FRK: variants seen among roughly 807,000 people sequenced by gnomAD.
FRK encodes the protein tyrosine-protein kinase FRK.
Under a neutral mutation model 56.4 loss-of-function variants are expected in FRK, and 51 were observed. The ratio of observed to expected loss-of-function variants is 0.90; its 90% CI spans 0.72 to 1.14. The LOEUF (loss-of-function observed/expected upper bound fraction) is 1.14. FRK is among the 50% of genes most tolerant of loss of function. The pLI is 0.00. For missense variants in FRK, 570 were observed against 601.4 expected (o/e 0.95, Z 0.55); for synonymous variants, 245 against 217.9 (o/e 1.12, Z -1.10).
rs1463593885 is a variant in FRK at position 115,933,427 on chromosome 6, C to T, written c.*8987G>A. 2 of 152,120 alleles carry T rather than the reference C, an allele frequency of 1.3e-5. No homozygotes were observed. Among genetic ancestry groups the T allele is most frequent in the African/African-American group, 2.4e-5 (1 of 41,432 alleles). The allele number at this position is 152,120 out of a possible 1,614,324, so 9.4% of individuals were successfully genotyped here. Reference sequence around the variant, plus strand: ...GTTAAAAAAATCTATTACTGTTTCTCATAACTGAATCCATTATTTTTCTCC... The same window carrying T: ...GTTAAAAAAATCTATTACTGTTTCTTATAACTGAATCCATTATTTTTCTCC... On this transcript the variant is annotated 3_prime_UTR_variant, in exon 8 of 8. Coordinates refer to ENST00000606080, the MANE Select transcript of FRK (RefSeq NM_002031.3).
chr6:115,967,476 C>T (rs1773626458), intron 4 of FRK, 75 bp downstream of exon 4: 4 of 1,448,178 alleles, frequency 2.8e-6, no homozygotes, highest in Non-Finnish European at 3.8e-6. Flanking sequence ...ACCCTATGAC[C>T]TCTTAGATAT....
chr6:115,964,874 C>T (rs1406409825), intron 4 of FRK, among the ~76,000 whole-genome samples: 1 of 14,210 alleles, frequency 7.0e-5, no homozygotes, highest in Non-Finnish European at 1.9e-4. Flanking sequence ...GGATCCCTTC[C>T]TTACACCTTA....
intron 1 of FRK, among the ~76,000 whole-genome samples, chr6:116,021,861 A>G (rs1176456457): frequency 6.6e-6 from 1 of 152,070 alleles, no homozygotes; most frequent in African/African-American, 2.4e-5. Flanking sequence ...AGGAAAACCA[A>G]ACCATGGGAA....
intron 1 of FRK, among the ~76,000 whole-genome samples, chr6:116,030,641 G>C (rs766989365): frequency 1.3e-5 from 2 of 152,160 alleles, no homozygotes; most frequent in Non-Finnish European, 2.9e-5. Flanking sequence ...CTGGAGGGTA[G>C]TGCATTTGGG....
rs1772998566 is a variant in FRK at position 115,956,511 on chromosome 6, T to A, written c.899A>T (p.Asp300Val). ...CAACTCTGTAATAATATAAATTGGA[T>A]CTTCTAAAGTGCAAACAGCATAAAG... ...IQLYAVCTLE[D>V]PIYIITELMR... The change falls in exon 5 of 8, where the codon GAT becomes GTT. Residue 300 changes from aspartate (D) to valine (V), a missense_variant. Physicochemically the swap from Asp to Val is radical, Grantham distance 152. Transcript: ENST00000606080. 1 of 1,586,838 alleles carries A rather than the reference T, an allele frequency of 6.3e-7. No individual in the cohort carries two copies. The highest frequency in any genetic ancestry group is 8.6e-7 in the Non-Finnish European group (1 of 1,166,828).
chr6:116,086,578 G>A, the FRK span, among the ~76,000 whole-genome samples: 1 of 152,170 alleles, frequency 6.6e-6, no homozygotes, highest in African/African-American at 2.4e-5. Context: ...ACTAGTATTT[G>A]ACAGAACGAA....
At chr6:116,039,025 G>C in intron 1 of FRK, 1 of 744,832 alleles carries the variant, frequency 1.3e-6, no homozygotes, top group Non-Finnish European at 2.5e-6. Flanking sequence ...GCCAATCGAG[G>C]GTCCTGGGGC....
intron 2 of FRK, among the ~76,000 whole-genome samples, chr6:115,999,750 A>G (rs1364150931): frequency 6.6e-6 from 1 of 152,222 alleles, no homozygotes; most frequent in Non-Finnish European, 1.5e-5. Flanking sequence ...CTTAGCAGTA[A>G]TCAACAGTCA....
At chr6:116,091,854 G>A in the FRK span, among the ~76,000 whole-genome samples, 1 of 152,154 alleles carries the variant, frequency 6.6e-6, no homozygotes, top group Non-Finnish European at 1.5e-5. Context: ...GGTCGACGGA[G>A]AGGAAAGCCA....
At chr6:116,004,101 A>C in intron 1 of FRK, 103 bp from the exon 2 acceptor site, 1 of 1,034,574 alleles carries the variant, frequency 9.7e-7, no homozygotes, top group Admixed American at 2.4e-5. Context: ...AATGTTTGGT[A>C]TTCTTTAGTA....
At chr6:116,076,753 C>A in the FRK span, among the ~76,000 whole-genome samples, 1 of 152,172 alleles carries the variant, frequency 6.6e-6, no homozygotes, top group African/African-American at 2.4e-5. Context: ...AATGGCCATG[C>A]AGACCCAGGC....
At chr6:116,008,144 C>A (rs1028632816) in intron 1 of FRK, among the ~76,000 whole-genome samples, 1 of 152,068 alleles carries the variant, frequency 6.6e-6, no homozygotes, top group African/African-American at 2.4e-5. Flanking sequence ...TTTGGCTAAT[C>A]AAGTCTATAA....
chr6:116,096,277 C>G, the FRK span, among the ~76,000 whole-genome samples: 1 of 152,194 alleles, frequency 6.6e-6, no homozygotes, highest in Non-Finnish European at 1.5e-5. Context: ...CGCCCAATTC[C>G]CAACAGCAGT....
At chr6:115,959,635 T>C (rs1032666475) in intron 4 of FRK, among the ~76,000 whole-genome samples, 4 of 152,148 alleles carry the variant, frequency 2.6e-5, no homozygotes, top group African/African-American at 9.7e-5. Context: ...ACTAGTAAAT[T>C]TGCACTTCAG....
chr6:116,088,055 G>C, the FRK span, among the ~76,000 whole-genome samples: 31 of 152,154 alleles, frequency 2.0e-4, no homozygotes, highest in Non-Finnish European at 4.0e-4. Flanking sequence ...CCTTCCAGTG[G>C]ACAATTCCAG....
chr6:116,077,244 AGC>A, the FRK span, among the ~76,000 whole-genome samples: 2 of 152,236 alleles, frequency 1.3e-5, no homozygotes, highest in Non-Finnish European at 2.9e-5. Context: ...TCAAGAACCA[AGC>A]AGGAATTAGT....
At chr6:116,013,662 G>T (rs1377142795) in intron 1 of FRK, among the ~76,000 whole-genome samples, 1 of 151,944 alleles carries the variant, frequency 6.6e-6, no homozygotes, top group Non-Finnish European at 1.5e-5. Context: ...TTCTCTATAC[G>T]AATAAGCTTT....
intron 1 of FRK, among the ~76,000 whole-genome samples, chr6:116,050,194 T>G (rs1465915340): frequency 1.1e-4 from 17 of 152,020 alleles, no homozygotes; most frequent in Admixed American, 1.1e-3. Flanking sequence ...AACATCAACT[T>G]CAGACGAGGC....
intron 2 of FRK, among the ~76,000 whole-genome samples, chr6:115,981,929 A>G (rs1044873762): frequency 3.3e-5 from 5 of 152,040 alleles, no homozygotes; most frequent in Admixed American, 1.3e-4. Flanking sequence ...ATGAGGACCC[A>G]TGCTGTTTAT....
Sources: gnomAD v4.1 joint callset for allele counts (sites outside exome capture counted in the v4.1 genomes callset) on GRCh38, gnomAD v4.1.1 for gene constraint, MANE v1.5 for transcripts, NCBI Gene and HGNC (gene_info 2026-07-23, HGNC 2026-07-21) for gene names.